Variants in MRPL54 observed in about 807,000 individuals in gnomAD.
MRPL54 encodes large ribosomal subunit protein mL54.
MRPL54 carries 12 observed loss-of-function variants against 15.6 expected under a neutral mutation model. That is an observed-to-expected ratio of 0.77 (90% CI 0.49 to 1.24). The LOEUF (loss-of-function observed/expected upper bound fraction) is 1.24, where lower values mean the gene tolerates loss of function less well. Among genes scored for constraint, MRPL54 ranks in the 50% most tolerant of loss-of-function variants. MRPL54 has a pLI of 0.00. For synonymous variants in MRPL54, 91 were observed against 75.7 expected (o/e 1.20, Z -1.05); for missense variants, 178 against 186.8 (o/e 0.95, Z 0.28).
intron 1 of MRPL54, among the ~76,000 whole-genome samples, chr19:3,763,912 A>T (rs1395774620): frequency 2.0e-5 from 3 of 150,006 alleles, no homozygotes; most frequent in East Asian, 2.0e-4. Context: ...ACTCTGTCTC[A>T]AAATAAATAA....
At chr19:3,764,547 A>C (rs2145731092) in intron 1 of MRPL54, among the ~76,000 whole-genome samples, 1 of 151,634 alleles carries the variant, frequency 6.6e-6, no homozygotes, top group South Asian at 2.1e-4. Context: ...AGCTGGGATC[A>C]CAGGCATATG....
Position 3,767,363 on chromosome 19 carries a change from C to A in MRPL54, c.387C>A (p.His129Gln), listed in dbSNP as rs750781906. The A allele has an allele frequency of 6.2e-7, 1 of 1,610,604 alleles. No individual in the cohort carries two copies. The highest frequency in any genetic ancestry group is 1.3e-5 in the African/African-American group (1 of 74,808). Reference sequence around the variant, plus strand: ...TGCGGAAACAGAACATCTGGCGCCACAACCGGCTGAGCAAGAACAAGAGGT... The same window carrying A: ...TGCGGAAACAGAACATCTGGCGCCAAAACCGGCTGAGCAAGAACAAGAGGT... ...RRLRKQNIWR[H>Q]NRLSKNKRL The change falls in exon 3 of 3, where the codon CAC (histidine) becomes CAA (glutamine). Residue 129 changes from histidine (H) to glutamine (Q), a missense_variant. Physicochemically the swap from His to Gln is conservative, Grantham distance 24. Transcript: ENST00000330133.
chr19:3,766,715 C>T (rs1050861358), intron 2 of MRPL54, among the ~76,000 whole-genome samples: 8 of 152,174 alleles, frequency 5.3e-5, no homozygotes, highest in African/African-American at 1.4e-4. Flanking sequence ...GGGTGTTTGG[C>T]TGCTCTAGTT....
chr19:3,765,039 AAAG>A, intron 1 of MRPL54, 124 bp from the exon 2 acceptor site: 2 of 1,011,758 alleles, frequency 2.0e-6, no homozygotes, highest in Non-Finnish European at 2.8e-6. Context: ...AAAAAAAAAA[AAAG>A]AAAGTTTTGA....
intron 2 of MRPL54, 114 bp downstream of exon 2, chr19:3,765,445 A>C (rs1599182016): frequency 1.7e-6 from 2 of 1,182,416 alleles, no homozygotes; most frequent in East Asian, 5.1e-5. Context: ...AGTCACACCT[A>C]CCCATCCTGG....
intron 2 of MRPL54, among the ~76,000 whole-genome samples, chr19:3,765,683 A>C (rs933387831): frequency 4.3e-4 from 66 of 152,088 alleles, no homozygotes; most frequent in Admixed American, 1.3e-4. Flanking sequence ...GGATCACCTG[A>C]GGTCAGGAGT....
chr19:3,767,088 G>A (rs1233801174), intron 2 of MRPL54, among the ~76,000 whole-genome samples, 173 bp from the exon 3 acceptor site: 2 of 152,144 alleles, frequency 1.3e-5, no homozygotes, highest in African/African-American at 4.8e-5. Context: ...CTCCATTGCT[G>A]CATGGCCAGG....
Position 3,767,462 on chromosome 19 carries a change from T to C in MRPL54, c.*69T>C. 6.3e-7 allele frequency: 1 copy of C among 1,582,782 alleles called. No homozygotes were observed. Among genetic ancestry groups the C allele is most frequent in the Non-Finnish European group, 8.5e-7 (1 of 1,170,146 alleles). ...CGTTTTCCCGGAGGACGTGGACTTTTGTGAGACAAGAGGCGGCTCCCCAGC... is the reference window on the plus strand; with the variant it reads ...CGTTTTCCCGGAGGACGTGGACTTTCGTGAGACAAGAGGCGGCTCCCCAGC... On this transcript the variant is annotated 3_prime_UTR_variant, in exon 3 of 3. Coordinates refer to ENST00000330133, the MANE Select transcript of MRPL54 (RefSeq NM_172251.3).
At chr19:3,763,540 C>T (rs1444298022) in intron 1 of MRPL54, among the ~76,000 whole-genome samples, 2 of 151,256 alleles carry the variant, frequency 1.3e-5, no homozygotes, top group African/African-American at 4.9e-5. Flanking sequence ...TTTGGGAAGC[C>T]AAGGAGGGAG....
intron 2 of MRPL54, 77 bp downstream of exon 2, chr19:3,765,408 G>T: frequency 6.5e-7 from 1 of 1,526,858 alleles, no homozygotes; most frequent in South Asian, 1.2e-5. Context: ...CCGGAGAGGC[G>T]GATCGCCACT....
At chr19:3,767,217 A>G (rs937909200) in intron 2 of MRPL54, 44 bp from the exon 3 acceptor site, 1 of 1,583,606 alleles carries the variant, frequency 6.3e-7, no homozygotes, top group Non-Finnish European at 8.5e-7. Flanking sequence ...CAGGGAGCCC[A>G]GGGGTCACCG....
In MRPL54 at chr19:3,762,890, T is replaced by C. The variant is rs562124481; in HGVS notation, c.118+72T>C. On this transcript the variant is annotated intron_variant, in intron 1 of 2. Transcript: ENST00000330133. ...GGAATTGACAGTGCGCAGGCGGTGG[T>C]TGGGGAGGTGGTGCTAGAACTGATG... The C allele has an allele frequency of 3.3e-5, 42 of 1,265,052 alleles. No homozygotes were observed. In the Admixed American group the frequency reaches 7.5e-4, roughly 23 times the overall value. The allele number at this position is 1,265,052 out of a possible 1,614,324, so 78.4% of individuals were successfully genotyped here. A position where few individuals can be genotyped will look rare whatever the true frequency, so the allele number is the denominator to read the frequency against.
At chr19:3,762,978 C>T (rs533705890) in intron 1 of MRPL54, among the ~76,000 whole-genome samples, 160 bp downstream of exon 1, 18 of 152,366 alleles carry the variant, frequency 1.2e-4, no homozygotes, top group African/African-American at 4.1e-4. Context: ...GACCCAGCGC[C>T]GCTTGGAGCT....
In MRPL54 at chr19:3,764,799, T is replaced by C. The variant is rs571721083; in HGVS notation, c.119-367T>C. On this transcript the variant is annotated intron_variant, in intron 1 of 2. Coordinates refer to ENST00000330133, the MANE Select transcript of MRPL54 (RefSeq NM_172251.3). ...ATCCCAACACTTTGGGAGGCCAAGGTGGGCAGATCACGAGGTCAGGAGATC... is the reference window on the plus strand; with the variant it reads ...ATCCCAACACTTTGGGAGGCCAAGGCGGGCAGATCACGAGGTCAGGAGATC... Among the ~76,000 whole-genome samples, 19 of 151,346 alleles carry C rather than the reference T, an allele frequency of 1.3e-4. No homozygotes were observed. In the South Asian group the frequency reaches 2.9e-3, roughly 23 times the overall value.
At position 3,765,056 on chromosome 19, in the gene MRPL54, T is replaced by C. The variant is rs528386898; in HGVS notation, c.119-110T>C. On this transcript the variant is annotated intron_variant, in intron 1 of 2. Transcript: ENST00000330133. ...AAAAAAAAAAAGAAAGTTTTGAGTG[T>C]AGCAGAGTCCAGCCAGGGGCAGAGG... 8.8e-5 allele frequency: 98 copies of C among 1,108,490 alleles called. 2 individuals carry two copies. The South Asian group carries it at 1.5e-3, about 17-fold the overall frequency. 68.7% of individuals were successfully genotyped at this position (1,108,490 alleles called of 1,614,324 possible).
intron 2 of MRPL54, 147 bp downstream of exon 2, chr19:3,765,478 G>C: frequency 5.0e-6 from 4 of 795,724 alleles, no homozygotes; most frequent in South Asian, 1.8e-5. Flanking sequence ...GGGCTTCAGG[G>C]CTCTGCCCAT....
intron 1 of MRPL54, among the ~76,000 whole-genome samples, chr19:3,764,822 A>G (rs925476901): frequency 2.6e-5 from 4 of 151,648 alleles, no homozygotes; most frequent in African/African-American, 7.3e-5. Flanking sequence ...AGGTCAGGAG[A>G]TCGAGACCAT....
chr19:3,763,092 C>T (rs1284921072), intron 1 of MRPL54, among the ~76,000 whole-genome samples: 1 of 152,126 alleles, frequency 6.6e-6, no homozygotes, highest in East Asian at 1.9e-4. Flanking sequence ...GGAGACCACG[C>T]GTTTCACTGC....
At chr19:3,765,040 AAG>A in intron 1 of MRPL54, 124 bp from the exon 2 acceptor site, 2 of 1,005,484 alleles carry the variant, frequency 2.0e-6, no homozygotes, top group Non-Finnish European at 1.4e-6. Flanking sequence ...AAAAAAAAAA[AAG>A]AAAGTTTTGA....
Sources: allele counts gnomAD v4.1 joint callset (sites outside exome capture counted in the v4.1 genomes callset), GRCh38; gene constraint gnomAD v4.1.1; transcripts MANE v1.5; gene names NCBI Gene and HGNC (gene_info 2026-07-23, HGNC 2026-07-21).